SH3TC1: variants seen among roughly 807,000 people sequenced by gnomAD.
The protein encoded by SH3TC1 is SH3 domain and tetratricopeptide repeat-containing protein 1.
SH3TC1 carries 135 observed loss-of-function variants against 117.3 expected under a neutral mutation model. The ratio of observed to expected loss-of-function variants is 1.15; its 90% CI spans 1.00 to 1.33. The LOEUF (loss-of-function observed/expected upper bound fraction) is 1.33. Ranked by LOEUF, SH3TC1 falls within the 40% of genes most tolerant of loss-of-function variation. SH3TC1 has a pLI of 0.00. For missense variants in SH3TC1, 2,092 were observed against 1,794.3 expected, an observed-to-expected ratio of 1.17 and a Z score of -3.00; for synonymous variants, 898 against 816.9, an observed-to-expected ratio of 1.10 and a Z score of -1.69.
Position 8,227,738 on chromosome 4 carries a change from G to A in SH3TC1, c.2044G>A (p.Glu682Lys), listed in dbSNP as rs28373389. Reference sequence around the variant, plus strand: ...GCACCACGTGCACCTCAAGCAGCCCGAGGAGGCCCTGCCCTTCCTAGAGCG... The same window carrying A: ...GCACCACGTGCACCTCAAGCAGCCCAAGGAGGCCCTGCCCTTCCTAGAGCG... The part of the protein sequence containing the change: ...ARHHVHLKQP[E>K]EALPFLERLL... The change falls in exon 12 of 18, where the codon GAG becomes AAG. Residue 682 changes from glutamate (E) to lysine (K), a missense_variant. By Grantham distance (56) the Glu-to-Lys change is moderately conservative. Coordinates refer to ENST00000245105, the MANE Select transcript of SH3TC1 (RefSeq NM_018986.5). The A allele has an allele frequency of 6.6e-4, 1,060 of 1,604,112 alleles. 8 individuals are homozygous for A. The African/African-American group carries it at 0.012, about 18-fold the overall frequency.
Position 8,192,349 on chromosome 4 carries a change from T to C in SH3TC1, c.-57+10139T>C, listed in dbSNP as rs1305220245. ...CGGAATCACCAGGAACTCTCCTTCC[T>C]GTGACCTTGGGTAAAGGTCATTTTC... On this transcript the variant is annotated intron_variant, in intron 1 of 16. Coordinates refer to the SH3TC1 transcript ENST00000508641. This position sits in a 1 kb window ranked among gnomAD's most constrained non-coding sequence, Gnocchi z 4.1. Among the ~76,000 whole-genome samples the C allele has an allele frequency of 6.6e-6, 1 of 152,044 alleles. No homozygotes were observed. The highest frequency in any genetic ancestry group is 1.5e-5 in the Non-Finnish European group (1 of 68,012).
rs1332911369 is a variant in SH3TC1, at chr4:8,226,998, T to A, written c.1304T>A (p.Leu435Gln). Residue 435 changes from leucine to glutamine, a missense_variant, in exon 12 of 18, where the codon CTG becomes CAG. Coordinates refer to ENST00000245105, the MANE Select transcript of SH3TC1 (RefSeq NM_018986.5). The stretch of plus-strand genomic sequence containing the variant: ...CTTGCAGAAATACCTCCACCTTGCC[T>A]GAGCCTGGAGCCACAGGAGACCTTG... ...PQEKEIPPPCLSLEPQETLQK... is the reference protein window; with the variant it reads ...PQEKEIPPPCQSLEPQETLQK... 3.2e-6 allele frequency: 5 copies of A among 1,550,708 alleles called. No individual in the cohort carries two copies. In the African/African-American group the frequency reaches 6.9e-5, roughly 21 times the overall value.
intron 15 of SH3TC1, 81 bp from the exon 16 acceptor site, chr4:8,236,197 G>C: frequency 6.9e-7 from 1 of 1,443,938 alleles, no homozygotes; most frequent in South Asian, 1.4e-5. Context: ...GGGAAGCTCC[G>C]AGCACATGTT....
chr4:8,234,320 A>G (rs1177311105), intron 14 of SH3TC1, among the ~76,000 whole-genome samples: 1 of 151,084 alleles, frequency 6.6e-6, no homozygotes, highest in African/African-American at 2.4e-5. Context: ...CTACCCATTA[A>G]TCCATCCCTC....
At chr4:8,233,299 G>A in intron 13 of SH3TC1, 64 bp from the exon 14 acceptor site, 2 of 1,541,264 alleles carry the variant, frequency 1.3e-6, no homozygotes, top group Non-Finnish European at 1.7e-6. Flanking sequence ...CAGACCCACG[G>A]GAGGAGGCAG....
chr4:8,208,042 C>T (rs192643426), intron 2 of SH3TC1, among the ~76,000 whole-genome samples: 1 of 152,366 alleles, frequency 6.6e-6, no homozygotes, highest in Admixed American at 6.5e-5. Flanking sequence ...CTGTGAAAAG[C>T]ATGCAGTTGA....
In SH3TC1 at chr4:8,206,473, G is replaced by A. The variant is rs945900844; in HGVS notation, c.172+1107G>A. On this transcript the variant is annotated intron_variant, in intron 2 of 17. Coordinates refer to ENST00000245105, the MANE Select transcript of SH3TC1 (RefSeq NM_018986.5). This position sits in a 1 kb window ranked among gnomAD's most constrained non-coding sequence, Gnocchi z 5.5. ...CCTGGCCAGCCTCCCACAGAGCCGC[G>A]GGGCCCAGGGAGGAGCTGGGAGCCT... is the stretch of plus-strand genomic sequence containing the variant. 6.6e-6 allele frequency among the ~76,000 whole-genome samples: 1 copy of A among 152,164 alleles called. No homozygotes were observed.
intron 1 of SH3TC1, among the ~76,000 whole-genome samples, chr4:8,200,284 C>T (rs886292078): frequency 5.3e-5 from 8 of 152,172 alleles, no homozygotes; most frequent in African/African-American, 1.9e-4. Context: ...CAAGGCTGGG[C>T]CCGAGTCAGG....
upstream of SH3TC1, among the ~76,000 whole-genome samples, chr4:8,195,375 C>A (rs1206362092): frequency 6.6e-6 from 1 of 152,138 alleles, no homozygotes; most frequent in Non-Finnish European, 1.5e-5. Context: ...GCAGGCAGGG[C>A]TGTGTGTGCT....
chr4:8,223,735 C>A (rs778104714), intron 10 of SH3TC1, among the ~76,000 whole-genome samples: 1 of 151,586 alleles, frequency 6.6e-6, no homozygotes, highest in East Asian at 1.9e-4. Context: ...CGGGTTCAAG[C>A]GATTCTCGTG....
chr4:8,228,101 G>A lies in SH3TC1; in HGVS notation c.2407G>A (p.Gly803Ser), dbSNP rs147817343. 4.0e-4 allele frequency: 648 copies of A among 1,610,118 alleles called. 5 individuals carry two copies. The African/African-American group carries it at 7.5e-3, about 19-fold the overall frequency. Residue 803 changes from glycine (G) to serine (S), a missense_variant, in exon 12 of 18, where the codon GGC becomes AGC. Transcript: ENST00000245105. ...AQLYSHHGCH[G>S]PAITFMTQAV... Reference sequence around the variant, plus strand: ...GCTGTACAGCCACCATGGCTGCCACGGCCCGGCCATCACCTTCATGACGCA... The same window carrying A: ...GCTGTACAGCCACCATGGCTGCCACAGCCCGGCCATCACCTTCATGACGCA...
chr4:8,204,936 C>G (rs575878238), intron 1 of SH3TC1: 1 of 354,298 alleles, frequency 2.8e-6, no homozygotes, highest in African/African-American at 2.1e-5. Flanking sequence ...GAGGAGGCCC[C>G]GTGGAGGAAG....
chr4:8,236,618 TCC>T, intron 16 of SH3TC1, 190 bp downstream of exon 16: 1 of 631,888 alleles, frequency 1.6e-6, no homozygotes, highest in Non-Finnish European at 2.4e-6. Context: ...AGTGCAGAGC[TCC>T]CTGCCTGGCT....
intron 16 of SH3TC1, 121 bp from the exon 17 acceptor site, chr4:8,237,353 G>A (rs530489144): frequency 2.1e-5 from 16 of 752,594 alleles, no homozygotes; most frequent in Non-Finnish European, 3.0e-5. Flanking sequence ...AGCTGGGAAG[G>A]GACTGGCCAG....
intron 1 of SH3TC1, among the ~76,000 whole-genome samples, chr4:8,188,842 T>C (rs1406425832): frequency 6.6e-6 from 1 of 152,212 alleles, no homozygotes; most frequent in Non-Finnish European, 1.5e-5. Flanking sequence ...GAGCCTGCAC[T>C]GGGTACCCGT....
At chr4:8,204,280 C>G (rs1394400046) in intron 1 of SH3TC1, among the ~76,000 whole-genome samples, 2 of 152,188 alleles carry the variant, frequency 1.3e-5, no homozygotes, top group Non-Finnish European at 2.9e-5. Flanking sequence ...AGATGGGAGG[C>G]AGGAGCTGCG....
chr4:8,236,207 T>C (rs979829231), intron 15 of SH3TC1, 71 bp from the exon 16 acceptor site: 4 of 1,461,282 alleles, frequency 2.7e-6, no homozygotes, highest in Admixed American at 4.8e-5. Flanking sequence ...GAGCACATGT[T>C]TGAGCTCTGA....
intron 10 of SH3TC1, among the ~76,000 whole-genome samples, chr4:8,224,298 G>A (rs562880587): frequency 1.3e-5 from 2 of 152,320 alleles, no homozygotes; most frequent in South Asian, 2.1e-4. Context: ...GTTAACATTT[G>A]TAGATCCCAC....
chr4:8,214,685 T>G, intron 5 of SH3TC1, 105 bp downstream of exon 5: 1 of 876,886 alleles, frequency 1.1e-6, no homozygotes, highest in Non-Finnish European at 1.8e-6. Context: ...TTTATTTATT[T>G]ATTGATGTAT....
Sources: allele counts gnomAD v4.1 joint callset (sites outside exome capture counted in the v4.1 genomes callset), GRCh38; gene constraint gnomAD v4.1.1; non-coding constraint Gnocchi (gnomAD v3.1); transcripts MANE v1.5; gene names NCBI Gene and HGNC (gene_info 2026-07-23, HGNC 2026-07-21).